Variants in RASAL2 observed in about 807,000 individuals in gnomAD.
RASAL2 encodes the protein RAS protein activator like 2.
A neutral mutation model predicts 128.9 loss-of-function variants in RASAL2; 58 were observed. That is an observed-to-expected ratio of 0.45 (90% confidence interval 0.36 to 0.56). RASAL2 has a LOEUF of 0.56. RASAL2 is among the 20% of genes least tolerant of loss of function. RASAL2 has a pLI of 0.00. For missense variants in RASAL2, 1,360 were observed against 1,601.6 expected (o/e 0.85, Z 2.57); for synonymous variants, 561 against 580.8 (o/e 0.97, Z 0.49).
intron 4 of RASAL2, among the ~76,000 whole-genome samples, chr1:178,414,289 A>G (rs1303347316): frequency 6.6e-6 from 1 of 152,198 alleles, no homozygotes; most frequent in East Asian, 1.9e-4. Context: ...ACTGTTTGCC[A>G]GGGGTTGGAG....
chr1:178,319,770 G>A (rs555264292), intron 3 of RASAL2, among the ~76,000 whole-genome samples: 3 of 151,924 alleles, frequency 2.0e-5, no homozygotes, highest in Admixed American at 1.3e-4. Flanking sequence ...TAATTTGATC[G>A]TCTGAAGCCT....
At position 178,477,863 on chromosome 1, in the gene RASAL2, G is replaced by A. The variant is rs1489825898; in HGVS notation, c.*4624G>A. ...AAGCAACTTGAAATTGACTTGGTTT[G>A]GCATTGTCTCAAGAACCCTAGATAT... is the stretch of plus-strand genomic sequence containing the variant. On this transcript the variant is annotated 3_prime_UTR_variant, in exon 18 of 18. Transcript: ENST00000367649. 1.3e-5 allele frequency: 2 copies of A among 152,130 alleles called. No homozygotes were observed. Among genetic ancestry groups the A allele is most frequent in the African/African-American group, 4.8e-5 (2 of 41,414 alleles). 9.4% of individuals were successfully genotyped at this position (152,130 alleles called of 1,614,324 possible).
chr1:178,162,392 ATATT>A (rs1395327690), intron 1 of RASAL2, among the ~76,000 whole-genome samples: 2 of 114,806 alleles, frequency 1.7e-5, no homozygotes, highest in Admixed American at 1.2e-4. Context: ...TATATTATAT[ATATT>A]ATATATTTTA....
chr1:178,442,698 T>C lies in RASAL2; in HGVS notation c.951T>C (p.Asn317=), dbSNP rs141159283. 1.6e-4 allele frequency: 263 copies of C among 1,606,662 alleles called. No homozygotes were observed. The African/African-American group carries it at 3.0e-3, about 18-fold the overall frequency. ...PNKDNCRRAE[N]VLRLWIIEAK... is the part of the protein sequence containing the mutation. ...AGGACAATTGCAGGCGAGCTGAAAA[T>C]GTTCTTCGTTTATGGATCATTGAAG... The change falls in exon 8 of 18, where the codon AAT becomes AAC. Residue 317 remains asparagine, a synonymous_variant. Coordinates refer to ENST00000367649, the MANE Select transcript of RASAL2 (RefSeq NM_170692.4).
chr1:178,253,388 A>T (rs1665148683), intron 1 of RASAL2, among the ~76,000 whole-genome samples: 1 of 152,190 alleles, frequency 6.6e-6, no homozygotes, highest in African/African-American at 2.4e-5. Flanking sequence ...CCATAACTTT[A>T]ACATACTTTT....
chr1:178,257,677 T>A (rs1216720301), intron 1 of RASAL2, among the ~76,000 whole-genome samples: 15 of 151,848 alleles, frequency 9.9e-5, no homozygotes, highest in Non-Finnish European at 1.3e-4. Context: ...AAACCCCACC[T>A]CTACCAAAAA....
At chr1:178,159,946 G>C (rs181057404) in intron 1 of RASAL2, among the ~76,000 whole-genome samples, 1 of 151,436 alleles carries the variant, frequency 6.6e-6, no homozygotes. Context: ...CTGTGGATAA[G>C]TGTGTCCAAA....
intron 1 of RASAL2, among the ~76,000 whole-genome samples, chr1:178,185,215 T>G (rs980386175): frequency 1.3e-5 from 2 of 151,982 alleles, no homozygotes; most frequent in East Asian, 1.9e-4. Flanking sequence ...TTGCTATAAC[T>G]GCTTTTTGGT....
At chr1:178,451,420 T>A (rs1677368878) in intron 9 of RASAL2, 151 bp from the exon 10 acceptor site, 1 of 723,906 alleles carries the variant, frequency 1.4e-6, no homozygotes, top group Admixed American at 3.0e-5. Flanking sequence ...TCCAAAGCAA[T>A]GAGGCTTCAT....
intron 1 of RASAL2, among the ~76,000 whole-genome samples, chr1:178,270,332 C>T (rs1666188651): frequency 6.6e-6 from 1 of 151,906 alleles, no homozygotes; most frequent in African/African-American, 2.4e-5. Context: ...TATCTTGACC[C>T]TCCTAGATTG....
At chr1:178,123,776 G>A (rs1361613136) in intron 1 of RASAL2, 1 of 152,422 alleles carries the variant, frequency 6.6e-6, no homozygotes, top group Non-Finnish European at 1.5e-5. Context: ...GGGCTCAATT[G>A]ATCCTCCTGC....
intron 1 of RASAL2, among the ~76,000 whole-genome samples, chr1:178,135,947 C>T (rs1660310526): frequency 6.6e-6 from 1 of 152,136 alleles, no homozygotes; most frequent in Non-Finnish European, 1.5e-5. Context: ...CCAGGTCCCT[C>T]CCACAACATG....
At chr1:178,454,790 T>C (rs949410885) in intron 12 of RASAL2, 142 bp downstream of exon 12, 1 of 644,270 alleles carries the variant, frequency 1.6e-6, no homozygotes, top group African/African-American at 1.8e-5. Flanking sequence ...TCATCATTTC[T>C]GAGTAAAATA....
intron 3 of RASAL2, among the ~76,000 whole-genome samples, chr1:178,364,470 G>C (rs1671297942): frequency 6.6e-6 from 1 of 152,178 alleles, no homozygotes; most frequent in Non-Finnish European, 1.5e-5. Context: ...ACCTTGTAGG[G>C]TTGATATGAG....
chr1:178,245,209 C>A (rs1471190140), intron 1 of RASAL2, among the ~76,000 whole-genome samples: 1 of 152,202 alleles, frequency 6.6e-6, no homozygotes, highest in Non-Finnish European at 1.5e-5. Flanking sequence ...TAAAAGCGTT[C>A]CTATTTCTCC....
At chr1:178,206,724 A>T (rs1465406513) in intron 1 of RASAL2, among the ~76,000 whole-genome samples, 4 of 152,218 alleles carry the variant, frequency 2.6e-5, no homozygotes, top group South Asian at 2.1e-4. Context: ...TTTGACAAAG[A>T]TCTATATTAA....
At chr1:178,170,387 A>T (rs558208999) in intron 1 of RASAL2, among the ~76,000 whole-genome samples, 1 of 151,922 alleles carries the variant, frequency 6.6e-6, no homozygotes, top group African/African-American at 2.4e-5. Flanking sequence ...AGCATAATGG[A>T]GGATGCTGCT....
At chr1:178,210,143 C>T (rs866487186) in intron 1 of RASAL2, among the ~76,000 whole-genome samples, 2 of 151,738 alleles carry the variant, frequency 1.3e-5, no homozygotes, top group Admixed American at 6.6e-5. Flanking sequence ...TTCCTCTGAC[C>T]TTATTCTCTC....
chr1:178,223,063 C>T (rs1663665554), intron 1 of RASAL2, among the ~76,000 whole-genome samples: 1 of 152,092 alleles, frequency 6.6e-6, no homozygotes, highest in Non-Finnish European at 1.5e-5. Flanking sequence ...CAAATAGGTG[C>T]TTACTGACTT....
Sources: gnomAD v4.1 joint callset for allele counts (sites outside exome capture counted in the v4.1 genomes callset) on GRCh38, gnomAD v4.1.1 for gene constraint, MANE v1.5 for transcripts, NCBI Gene and HGNC (gene_info 2026-07-23, HGNC 2026-07-21) for gene names.